IDO1: variants seen among roughly 807,000 people sequenced by gnomAD.
The protein encoded by IDO1 is indoleamine 2,3-dioxygenase 1.
In IDO1, 35 loss-of-function variants were observed where a neutral mutation model predicts 38.8. The ratio of observed to expected loss-of-function variants is 0.90; its 90% CI spans 0.69 to 1.20. IDO1 has a LOEUF of 1.20. Ranked by LOEUF, IDO1 falls within the 50% of genes most tolerant of loss-of-function variation. The probability of loss-of-function intolerance (pLI) is 0.00; values close to 1 mark genes in which losing one functional copy is unlikely to be tolerated. For synonymous variants in IDO1, 171 were observed against 170.0 expected (o/e 1.01, Z -0.05); for missense variants, 509 against 485.1 (o/e 1.05, Z -0.46).
chr8:39,914,244 T>C (rs549549678), intron 1 of IDO1: 132 of 377,900 alleles, frequency 3.5e-4, no homozygotes, highest in African/African-American at 2.5e-3. Flanking sequence ...ATACGGAGAG[T>C]GGTGAGAAAG....
At position 39,918,136 on chromosome 8, in the gene IDO1, C is replaced by G. The variant is rs759391476; in HGVS notation, c.232C>G (p.Leu78Val). ...TCTCACAGACCACAAGTCACAGCGC[C>G]TTGCACGTCTAGTTCTGGGATGCAT... ...DHLTDHKSQR[L>V]ARLVLGCITM... Residue 78 changes from leucine (L) to valine (V), a missense_variant, in exon 3 of 10, where the codon CTT becomes GTT. Transcript: ENST00000518237. 1 of 1,613,954 alleles carries G rather than the reference C, an allele frequency of 6.2e-7. No homozygotes were observed. The highest frequency in any genetic ancestry group is 1.1e-5 in the South Asian group (1 of 91,086).
At position 39,923,606 on chromosome 8, in the gene IDO1, C is replaced by A; in HGVS notation, c.655+20C>A. The A allele has an allele frequency of 7.1e-7, 1 of 1,401,276 alleles. No individual in the cohort carries two copies. The highest frequency in any genetic ancestry group is 1.2e-5 in the South Asian group (1 of 86,170). The allele number at this position is 1,401,276 out of a possible 1,614,324, so 86.8% of individuals were successfully genotyped here. On this transcript the variant is annotated intron_variant, in intron 7 of 9. Coordinates refer to ENST00000518237, the MANE Select transcript of IDO1 (RefSeq NM_002164.6). Reference sequence around the variant, plus strand: ...TCCACGGCAAGTGTTGTGTGCAGTGCAATAGTCTAGGCTGACAAGTCAAAT... The same window carrying A: ...TCCACGGCAAGTGTTGTGTGCAGTGAAATAGTCTAGGCTGACAAGTCAAAT...
chr8:39,920,211 A>G, intron 5 of IDO1, 97 bp downstream of exon 5: 1 of 957,662 alleles, frequency 1.0e-6, no homozygotes. Flanking sequence ...TTAAATGATT[A>G]ATTGAATTCA....
chr8:39,922,470 C>T (rs10108662), intron 5 of IDO1, 82 bp from the exon 6 acceptor site: 11 of 876,028 alleles, frequency 1.3e-5, no homozygotes, highest in Middle Eastern at 2.2e-4. Flanking sequence ...TATGTTGAAA[C>T]TAAAATAGCA....
chr8:39,920,283 A>C lies in IDO1; in HGVS notation c.437+169A>C, dbSNP rs572681061. On this transcript the variant is annotated intron_variant, in intron 5 of 9. Coordinates refer to ENST00000518237, the MANE Select transcript of IDO1 (RefSeq NM_002164.6). ...ATAATCTCAGTCTTTAATTGTATCT[A>C]TGATTGTGTTACAACTATGTCTATC... is the stretch of plus-strand genomic sequence containing the variant. Among the ~76,000 whole-genome samples, 5 of 152,364 alleles carry C rather than the reference A, an allele frequency of 3.3e-5. No individual in the cohort carries two copies. The South Asian group carries it at 1.0e-3, about 32-fold the overall frequency.
At chr8:39,924,583 G>C (rs1807329575) in intron 7 of IDO1, 138 bp from the exon 8 acceptor site, 1 of 613,252 alleles carries the variant, frequency 1.6e-6, no homozygotes, top group African/African-American at 1.8e-5. Flanking sequence ...TTATCTGCAG[G>C]GGCTTTGTTT....
At position 39,925,379 on chromosome 8, in the gene IDO1, G is replaced by T; in HGVS notation, c.856+8G>T. The T allele has an allele frequency of 6.2e-7, 1 of 1,607,654 alleles. No individual in the cohort carries two copies. Among genetic ancestry groups the T allele is most frequent in the Non-Finnish European group, 8.5e-7 (1 of 1,177,332 alleles). On this transcript the variant is annotated splice_region_variant and intron_variant, in intron 9 of 9. Coordinates refer to ENST00000518237, the MANE Select transcript of IDO1 (RefSeq NM_002164.6). ...AGCAGACTGCTGGTGGAGGTGAGTG[G>T]AAAATAACAAGAAATAATTATCTCT...
At chr8:39,922,386 C>T (rs1299697675) in intron 5 of IDO1, among the ~76,000 whole-genome samples, 166 bp from the exon 6 acceptor site, 2 of 151,896 alleles carry the variant, frequency 1.3e-5, no homozygotes, top group Non-Finnish European at 2.9e-5. Context: ...GGACAATGGG[C>T]CTAAAAAAGG....
At position 39,913,936 on chromosome 8, in the gene IDO1, T is replaced by TG. The variant is rs755786618; in HGVS notation, c.16dup (p.Glu6GlyfsTer8). 6.4e-7 allele frequency: 1 copy of TG among 1,571,264 alleles called. No homozygotes were observed. Among genetic ancestry groups the TG allele is most frequent in the South Asian group, 1.2e-5 (1 of 85,078 alleles). Reference sequence around the variant, plus strand: ...CAGACTACAAGAATGGCACACGCTATGGAAAACTCCTGGACAATCAGTAAA... The same window carrying TG: ...CAGACTACAAGAATGGCACACGCTATGGGAAAACTCCTGGACAATCAGTAAA... On this transcript the variant is annotated frameshift_variant, in exon 1 of 10. Coordinates refer to ENST00000518237, the MANE Select transcript of IDO1 (RefSeq NM_002164.6). LOFTEE classifies it high-confidence loss of function.
Position 39,928,231 on chromosome 8 carries a change from T to G in IDO1, c.*46T>G. ...TTTTATCATAGCAGAGACATCTGTA[T>G]GCATTCCTGTCATTACCCATTGTAA... On this transcript the variant is annotated 3_prime_UTR_variant, in exon 10 of 10. Coordinates refer to ENST00000518237, the MANE Select transcript of IDO1 (RefSeq NM_002164.6). The G allele has an allele frequency of 1.5e-6, 2 of 1,332,842 alleles. No homozygotes were observed. Among genetic ancestry groups the G allele is most frequent in the Non-Finnish European group, 2.1e-6 (2 of 958,416 alleles). 82.6% of individuals were successfully genotyped at this position (1,332,842 alleles called of 1,614,324 possible). A position where few individuals can be genotyped will look rare whatever the true frequency, so the allele number is the denominator to read the frequency against.
chr8:39,921,988 G>GTTGTTGTTTTGTT (rs1807279659), intron 5 of IDO1, among the ~76,000 whole-genome samples: 1 of 152,018 alleles, frequency 6.6e-6, no homozygotes, highest in Non-Finnish European at 1.5e-5. Flanking sequence ...GTTTTTTGTT[G>GTTGTTGTTTTGTT]TTGTTGTTTT....
At chr8:39,925,093 G>T (rs1055951976) in intron 8 of IDO1, 130 bp from the exon 9 acceptor site, 5 of 810,724 alleles carry the variant, frequency 6.2e-6, no homozygotes, top group African/African-American at 1.7e-5. Context: ...GGGCAAGGGG[G>T]TATGAAAAAA....
rs1424216212 is a variant in IDO1, at chr8:39,928,343, A to G, written c.*158A>G. ...ATACCTGTGCATTTCTTGTAGGAAA[A>G]CAACAAAAGGTAATTATGTGTAATT... On this transcript the variant is annotated 3_prime_UTR_variant, in exon 10 of 10. Coordinates refer to ENST00000518237, the MANE Select transcript of IDO1 (RefSeq NM_002164.6). 10 of 569,728 alleles carry G rather than the reference A, an allele frequency of 1.8e-5. No homozygotes were observed. The highest frequency in any genetic ancestry group is 2.5e-5 in the Non-Finnish European group (8 of 325,416). The allele number at this position is 569,728 out of a possible 1,614,324, so 35.3% of individuals were successfully genotyped here.
rs1807209053 is a variant in IDO1 at position 39,918,216 on chromosome 8, A to AT, written c.303+13dup. 44 of 1,597,680 alleles carry AT rather than the reference A, an allele frequency of 2.8e-5. No individual in the cohort carries two copies. Among genetic ancestry groups the AT allele is most frequent in the Non-Finnish European group, 3.7e-5 (43 of 1,168,320 alleles). On this transcript the variant is annotated intron_variant, in intron 3 of 9. Coordinates refer to ENST00000518237, the MANE Select transcript of IDO1 (RefSeq NM_002164.6). Reference sequence around the variant, plus strand: ...ATGGAGATGTCCGTAAGGTTTGGAGATTTTCTCAGATTTCTTATGCTATGT... The same window carrying AT: ...ATGGAGATGTCCGTAAGGTTTGGAGATTTTTCTCAGATTTCTTATGCTATGT...
chr8:39,924,830 T>A, intron 8 of IDO1, 58 bp downstream of exon 8: 2 of 1,255,188 alleles, frequency 1.6e-6, no homozygotes, highest in Non-Finnish European at 2.3e-6. Context: ...CACCACCAAA[T>A]TCTCTTGGTT....
chr8:39,921,600 C>T (rs916707476), intron 5 of IDO1, among the ~76,000 whole-genome samples: 3 of 152,024 alleles, frequency 2.0e-5, no homozygotes, highest in Non-Finnish European at 4.4e-5. Context: ...GATGAGAACA[C>T]CAAGGCAGAC....
chr8:39,923,628 A>C, intron 7 of IDO1, 42 bp downstream of exon 7: 2 of 1,178,076 alleles, frequency 1.7e-6, no homozygotes, highest in Non-Finnish European at 2.5e-6. Context: ...CTGACAAGTC[A>C]AATGTTCCAG....
Position 39,928,245 on chromosome 8 carries a change from T to C in IDO1, c.*60T>C. ...AGACATCTGTATGCATTCCTGTCAT[T>C]ACCCATTGTAACAGAGCCACAAACT... is the stretch of plus-strand genomic sequence containing the variant. On this transcript the variant is annotated 3_prime_UTR_variant, in exon 10 of 10. Coordinates refer to ENST00000518237, the MANE Select transcript of IDO1 (RefSeq NM_002164.6). The C allele has an allele frequency of 2.5e-6, 3 of 1,211,988 alleles. No individual in the cohort carries two copies. Among genetic ancestry groups the C allele is most frequent in the Middle Eastern group, 2.3e-4 (1 of 4,434 alleles). 75.1% of individuals were successfully genotyped at this position (1,211,988 alleles called of 1,614,324 possible).
At chr8:39,915,213 T>C (rs761906228) in intron 1 of IDO1, among the ~76,000 whole-genome samples, 2 of 152,216 alleles carry the variant, frequency 1.3e-5, no homozygotes, top group East Asian at 3.8e-4. Flanking sequence ...AAAACCATTA[T>C]TCCACACTGC....
Sources: gnomAD v4.1 joint callset for allele counts (sites outside exome capture counted in the v4.1 genomes callset) on GRCh38, gnomAD v4.1.1 for gene constraint, MANE v1.5 for transcripts, NCBI Gene and HGNC (gene_info 2026-07-23, HGNC 2026-07-21) for gene names.